The following CSMD1 variants were observed in gnomAD, a reference collection of about 807,000 sequenced individuals.
CSMD1 encodes CUB and Sushi multiple domains 1.
Under a neutral mutation model 417.5 loss-of-function variants are expected in CSMD1, and 213 were observed. The ratio of observed to expected loss-of-function variants is 0.51; its 90% CI spans 0.46 to 0.57. The LOEUF is 0.57. Among genes scored for constraint, CSMD1 ranks in the 20% least tolerant of loss-of-function variants. CSMD1 has a pLI of 0.00. For synonymous variants in CSMD1, 2,862 were observed against 1,736.8 expected (o/e 1.65, Z -16.11); for missense variants, 6,923 against 4,529.7 (o/e 1.53, Z -15.17).
chr8:3,154,705 T>G (rs1270684054), intron 39 of CSMD1, among the ~76,000 whole-genome samples: 4 of 152,180 alleles, frequency 2.6e-5, no homozygotes, highest in African/African-American at 4.8e-5. Flanking sequence ...TTCTGGGGCT[T>G]GTTATAAATA....
chr8:3,915,448 C>A (rs988390805), intron 5 of CSMD1, among the ~76,000 whole-genome samples: 1 of 147,092 alleles, frequency 6.8e-6, no homozygotes, highest in Non-Finnish European at 1.5e-5. Context: ...ATAGTAGGTT[C>A]GGAAGATCAC....
chr8:3,895,077 T>G (rs11995119), intron 5 of CSMD1, among the ~76,000 whole-genome samples: 1 of 152,220 alleles, frequency 6.6e-6, no homozygotes, highest in Admixed American at 6.5e-5. Context: ...GTGGTCATTA[T>G]AATTAAACAT....
chr8:3,958,737 A>C (rs981209693), intron 5 of CSMD1, among the ~76,000 whole-genome samples: 1 of 152,176 alleles, frequency 6.6e-6, no homozygotes, highest in Non-Finnish European at 1.5e-5. Context: ...TTTAAATACT[A>C]TGGGTGAGGT....
chr8:4,109,904 G>A (rs1484682468), intron 3 of CSMD1, among the ~76,000 whole-genome samples: 1 of 152,050 alleles, frequency 6.6e-6, no homozygotes, highest in African/African-American at 2.4e-5. Context: ...TTCTTTTCCA[G>A]GCAATTTGGG....
At chr8:3,601,044 T>C (rs1182999413) in intron 8 of CSMD1, among the ~76,000 whole-genome samples, 2 of 152,130 alleles carry the variant, frequency 1.3e-5, no homozygotes, top group South Asian at 2.1e-4. Flanking sequence ...TTTTCATTCA[T>C]CCCGCATGAT....
intron 8 of CSMD1, among the ~76,000 whole-genome samples, chr8:3,611,347 G>A (rs1159918070): frequency 6.6e-6 from 1 of 152,118 alleles, no homozygotes; most frequent in African/African-American, 2.4e-5. Flanking sequence ...GCTTGGTGAA[G>A]CCTGAGGGAG....
At chr8:4,803,012 G>C (rs117901626) in intron 1 of CSMD1, among the ~76,000 whole-genome samples, 575 of 152,208 alleles carry the variant, frequency 3.8e-3, no homozygotes, top group Non-Finnish European at 6.0e-3. Context: ...AAAGTCACCA[G>C]ATATCATTTG....
Position 3,147,404 on chromosome 8 carries a change from T to C in CSMD1, c.6031+3993A>G, listed in dbSNP as rs561879603. Among the ~76,000 whole-genome samples, 4 of 152,340 alleles carry C rather than the reference T, an allele frequency of 2.6e-5. No homozygotes were observed. The South Asian group carries it at 8.3e-4, about 32-fold the overall frequency. On this transcript the variant is annotated intron_variant, in intron 40 of 69. Coordinates refer to ENST00000635120, the MANE Select transcript of CSMD1 (RefSeq NM_033225.6). The stretch of plus-strand genomic sequence containing the variant: ...TGAAAACCTTTGTGCATTTCTCATC[T>C]TATTTAGATTGAAAGTGCTCTTCTA...
chr8:4,071,520 G>A (rs142126635), intron 3 of CSMD1, among the ~76,000 whole-genome samples: 1 of 151,712 alleles, frequency 6.6e-6, no homozygotes, highest in Non-Finnish European at 1.5e-5. Flanking sequence ...ACTTATTTAA[G>A]CATAATTGTA....
intron 1 of CSMD1, among the ~76,000 whole-genome samples, chr8:4,781,608 A>G (rs928642318): frequency 1.4e-4 from 21 of 152,314 alleles, no homozygotes; most frequent in African/African-American, 5.1e-4. Flanking sequence ...TCTTTTGTCT[A>G]TTGTTGTACT....
At chr8:3,645,647 C>T (rs1797537659) in intron 7 of CSMD1, among the ~76,000 whole-genome samples, 1 of 152,148 alleles carries the variant, frequency 6.6e-6, no homozygotes, top group South Asian at 2.1e-4. Context: ...TTGTAGAAAT[C>T]ACAGGGAGCC....
intron 35 of CSMD1, among the ~76,000 whole-genome samples, chr8:3,188,369 C>T (rs1408232474): frequency 8.2e-6 from 1 of 121,526 alleles, no homozygotes; most frequent in Non-Finnish European, 1.6e-5. Flanking sequence ...TGCAATGGTG[C>T]AATCTTGGCT....
At chr8:4,587,617 G>A (rs1254685866) in intron 2 of CSMD1, among the ~76,000 whole-genome samples, 1 of 151,950 alleles carries the variant, frequency 6.6e-6, no homozygotes, top group Non-Finnish European at 1.5e-5. Flanking sequence ...ACAAATAATT[G>A]TACTCAGACT....
intron 54 of CSMD1, among the ~76,000 whole-genome samples, chr8:2,994,875 T>A (rs1005422306): frequency 2.0e-5 from 3 of 152,190 alleles, no homozygotes; most frequent in African/African-American, 2.4e-5. Context: ...AAAAAAAGAA[T>A]AGTGAAACTC....
intron 2 of CSMD1, among the ~76,000 whole-genome samples, chr8:4,579,213 C>G (rs1799291277): frequency 6.6e-6 from 1 of 151,752 alleles, no homozygotes; most frequent in African/African-American, 2.4e-5. Context: ...CTGACGGAAT[C>G]AGGAAAATAA....
chr8:4,707,194 T>C (rs1807998562), intron 1 of CSMD1, among the ~76,000 whole-genome samples: 1 of 152,234 alleles, frequency 6.6e-6, no homozygotes, highest in Non-Finnish European at 1.5e-5. Flanking sequence ...GTTATTGCAC[T>C]CTAGACACTG....
intron 7 of CSMD1, among the ~76,000 whole-genome samples, chr8:3,626,121 G>C (rs982556696): frequency 6.6e-6 from 1 of 152,142 alleles, no homozygotes; most frequent in African/African-American, 2.4e-5. Context: ...GGTGCTCTGA[G>C]ATGTTCACCG....
Position 4,487,402 on chromosome 8 carries a change from G to A in CSMD1, c.303-67337C>T, listed in dbSNP as rs138984239. Among the ~76,000 whole-genome samples the A allele has an allele frequency of 7.6e-3, 1,155 of 152,198 alleles. 7 individuals are homozygous for A. Among genetic ancestry groups the A allele is most frequent in the Non-Finnish European group, 0.013 (864 of 68,012 alleles). ...CATTGTTCAGTTCCCATCTATGAGT[G>A]AGAACATGCAGTGTTTGGTTTTTCG... is the stretch of plus-strand genomic sequence containing the variant. On this transcript the variant is annotated intron_variant, in intron 2 of 69. Transcript: ENST00000635120.
chr8:4,402,821 CT>C (rs1396591610), intron 3 of CSMD1, among the ~76,000 whole-genome samples: 1,575 of 66,358 alleles, frequency 0.024, 10 homozygotes, highest in African/African-American at 0.077. Context: ...TTTTTTTTTT[CT>C]TTTTTTTTTT....
Sources: gnomAD v4.1 joint callset for allele counts (sites outside exome capture counted in the v4.1 genomes callset) on GRCh38, gnomAD v4.1.1 for gene constraint, MANE v1.5 for transcripts, NCBI Gene and HGNC (gene_info 2026-07-23, HGNC 2026-07-21) for gene names.